ULK4: variants seen among roughly 807,000 people sequenced by gnomAD.
The protein encoded by ULK4 is unc-51 like kinase 4.
In ULK4, 133 loss-of-function variants were observed where a neutral mutation model predicts 160.6. The observed-to-expected ratio is 0.83, with a 90% confidence interval of 0.72 to 0.96. The LOEUF is 0.96. Among genes scored for constraint, ULK4 ranks in the 40% least tolerant of loss-of-function variants. ULK4 has a pLI of 0.00. For synonymous variants in ULK4, 534 were observed against 539.8 expected (o/e 0.99, Z 0.15); for missense variants, 1,580 against 1,499.5 (o/e 1.05, Z -0.89).
chr3:41,311,533 C>T (rs60832381), intron 35 of ULK4, among the ~76,000 whole-genome samples: 12,062 of 151,996 alleles, frequency 0.079, 1,208 homozygotes, highest in African/African-American at 0.23. Flanking sequence ...TATTGTGGGA[C>T]CTTGTAATTG....
chr3:41,697,293 C>T (rs1388653243), intron 27 of ULK4, among the ~76,000 whole-genome samples: 1 of 152,066 alleles, frequency 6.6e-6, no homozygotes. Flanking sequence ...TATGATGGAG[C>T]TGAAAAATTC....
rs2036915936 is a variant in ULK4 at position 41,706,883 on chromosome 3, G to GTA, written c.2635-1579_2635-1578insTA. 3.1e-5 allele frequency among the ~76,000 whole-genome samples: 4 copies of GTA among 128,278 alleles called. No individual in the cohort carries two copies. In the East Asian group the frequency reaches 6.2e-4, roughly 20 times the overall value. The allele number at this position is 128,278 out of a possible 152,430, so 84.2% of individuals were successfully genotyped here. On this transcript the variant is annotated intron_variant, in intron 25 of 36. Transcript: ENST00000301831. ...TGTGTGTGTGTGTGTGTGTGTGTGT[G>GTA]TGTGTGTATATATATATAGAGAGAG...
At chr3:41,689,644 A>T (rs1229155465) in intron 27 of ULK4, among the ~76,000 whole-genome samples, 1 of 152,224 alleles carries the variant, frequency 6.6e-6, no homozygotes, top group East Asian at 1.9e-4. Context: ...ATGAATACAC[A>T]CTTCTCAAAA....
intron 35 of ULK4, among the ~76,000 whole-genome samples, chr3:41,360,722 C>T (rs1312246730): frequency 6.6e-6 from 1 of 152,086 alleles, no homozygotes; most frequent in Non-Finnish European, 1.5e-5. Flanking sequence ...ACGATGAGAA[C>T]ACATGTACAC....
chr3:41,528,331 CGTTA>C (rs1315061172), intron 32 of ULK4, among the ~76,000 whole-genome samples: 1 of 152,070 alleles, frequency 6.6e-6, no homozygotes, highest in Admixed American at 6.5e-5. Context: ...TATGGTTTTC[CGTTA>C]GAACCTAAAT....
intron 20 of ULK4, among the ~76,000 whole-genome samples, 167 bp downstream of exon 20, chr3:41,799,965 G>C (rs1052849224): frequency 3.9e-5 from 6 of 152,078 alleles, no homozygotes; most frequent in African/African-American, 1.4e-4. Flanking sequence ...CCAGTTCCAA[G>C]TTTTCAAAAT....
At chr3:41,810,712 T>C (rs2040797715) in intron 19 of ULK4, among the ~76,000 whole-genome samples, 1 of 152,210 alleles carries the variant, frequency 6.6e-6, no homozygotes, top group African/African-American at 2.4e-5. Context: ...AGATATAAAA[T>C]TGACCATTCT....
rs371158713 is a variant in ULK4, at chr3:41,246,982, C to G, written c.3775G>C (p.Asp1259His). 9.3e-6 allele frequency: 15 copies of G among 1,613,834 alleles called. No individual in the cohort carries two copies. The highest frequency in any genetic ancestry group is 1.6e-4 in the Middle Eastern group (1 of 6,062). ...AGGGCCAAGGGAGCCACCGCACTGT[C>G]GGCAAATGAACTGTAAGAAAAACCA... ...RLAPGSGSFADSAVAPLALEI... is the reference protein window; with the variant it reads ...RLAPGSGSFAHSAVAPLALEI... Residue 1259 changes from aspartate (D) to histidine (H), a missense_variant, in exon 37 of 37, where the codon GAC (aspartate) becomes CAC (histidine). Transcript: ENST00000301831.
At chr3:41,882,324 A>T (rs1459088255) in intron 17 of ULK4, 2 of 701,742 alleles carry the variant, frequency 2.9e-6, no homozygotes, top group Non-Finnish European at 5.2e-6. Flanking sequence ...CCAGGTGGTG[A>T]TACATGCTGT....
chr3:41,313,397 G>C (rs533962703), intron 35 of ULK4, among the ~76,000 whole-genome samples: 2 of 152,196 alleles, frequency 1.3e-5, no homozygotes, highest in African/African-American at 2.4e-5. Flanking sequence ...AATGTTAGCT[G>C]TTATTCCTAT....
intron 5 of ULK4, among the ~76,000 whole-genome samples, chr3:41,929,188 T>C (rs1196236444): frequency 2.0e-5 from 3 of 152,138 alleles, no homozygotes; most frequent in Non-Finnish European, 4.4e-5. Context: ...TGGTTCAACA[T>C]ACACAAATCA....
chr3:41,771,873 CA>C (rs2039393539), intron 21 of ULK4, among the ~76,000 whole-genome samples: 1 of 152,110 alleles, frequency 6.6e-6, no homozygotes, highest in Admixed American at 6.5e-5. Flanking sequence ...GTGACTTTAT[CA>C]AATCTTAGTA....
intron 13 of ULK4, among the ~76,000 whole-genome samples, chr3:41,900,009 G>T (rs1698295342): frequency 6.6e-6 from 1 of 152,122 alleles, no homozygotes; most frequent in Non-Finnish European, 1.5e-5. Context: ...AAAGAAGCAG[G>T]AAAATTAAAA....
rs763400037 is a variant in ULK4, at chr3:41,681,533, G to C, written c.2953C>G (p.Leu985Val). Residue 985 changes from leucine to valine, a missense_variant, in exon 29 of 37, where the codon CTC becomes GTC. Leu to Val is a conservative substitution (Grantham distance 32, BLOSUM62 1). Coordinates refer to ENST00000301831, the MANE Select transcript of ULK4 (RefSeq NM_017886.4). ...TGGGGAAGTAAGACATCTCGAATGA[G>C]AGCCAGAAGATTGCTGTCAGAATCA... ...SVDSDSNLLA[L>V]IRDVLLPQYE... 6 of 1,613,870 alleles carry C rather than the reference G, an allele frequency of 3.7e-6. No individual in the cohort carries two copies. The South Asian group carries it at 6.6e-5, about 18-fold the overall frequency.
chr3:41,297,590 C>T (rs918197627), intron 35 of ULK4, among the ~76,000 whole-genome samples: 1 of 152,190 alleles, frequency 6.6e-6, no homozygotes, highest in Non-Finnish European at 1.5e-5. Context: ...GCCTCCAGAT[C>T]CAGCAAATCA....
At chr3:41,643,006 T>C (rs554354201) in intron 30 of ULK4, among the ~76,000 whole-genome samples, 3 of 152,364 alleles carry the variant, frequency 2.0e-5, no homozygotes, top group East Asian at 1.9e-4. Flanking sequence ...GAAGTGTCTG[T>C]TCATATCCTT....
chr3:41,325,339 G>T (rs1476763735), intron 35 of ULK4, among the ~76,000 whole-genome samples: 1 of 152,140 alleles, frequency 6.6e-6, no homozygotes, highest in Non-Finnish European at 1.5e-5. Flanking sequence ...GTAAACTGGA[G>T]ACAGAAAAAA....
chr3:41,888,672 G>A (rs1277565421), intron 16 of ULK4, among the ~76,000 whole-genome samples: 17 of 152,172 alleles, frequency 1.1e-4, no homozygotes, highest in Admixed American at 9.2e-4. Flanking sequence ...CGGGGTAAAC[G>A]TGGAAAATTG....
At position 41,506,769 on chromosome 3, in the gene ULK4, T is replaced by TATATAA. The variant is rs1559658058; in HGVS notation, c.3227-43517_3227-43516insTTATAT. Among the ~76,000 whole-genome samples the TATATAA allele has an allele frequency of 7.9e-4, 25 of 31,608 alleles. 4 individuals are homozygous for TATATAA. Among genetic ancestry groups the TATATAA allele is most frequent in the African/African-American group, 3.2e-3 (23 of 7,106 alleles). The allele number at this position is 31,608 out of a possible 152,430, so 20.7% of individuals were successfully genotyped here. A position where few individuals can be genotyped will look rare whatever the true frequency, so the allele number is the denominator to read the frequency against. On this transcript the variant is annotated intron_variant, in intron 32 of 36. Coordinates refer to ENST00000301831, the MANE Select transcript of ULK4 (RefSeq NM_017886.4). ...CAATACACTGGAGTGTGATTTAAAA[T>TATATAA]ATATATATATATATATATATATATA... is the stretch of plus-strand genomic sequence containing the variant.
Sources: allele counts gnomAD v4.1 joint callset (sites outside exome capture counted in the v4.1 genomes callset), GRCh38; gene constraint gnomAD v4.1.1; transcripts MANE v1.5; gene names NCBI Gene and HGNC (gene_info 2026-07-23, HGNC 2026-07-21).